The following ETV1 variants were observed in gnomAD, a reference collection of about 807,000 sequenced individuals.
ETV1 encodes the protein ETS variant transcription factor 1.
Under a neutral mutation model 62.3 loss-of-function variants are expected in ETV1, and 27 were observed. The ratio of observed to expected loss-of-function variants is 0.43; its 90% CI spans 0.32 to 0.60. The LOEUF is 0.60. ETV1 is among the 20% of genes least tolerant of loss of function. The probability of loss-of-function intolerance (pLI) is 0.06; values close to 1 mark genes in which losing one functional copy is unlikely to be tolerated. For missense variants in ETV1, 605 were observed against 605.8 expected (o/e 1.00, Z 0.01); for synonymous variants, 222 against 199.6 (o/e 1.11, Z -0.94).
intron 9 of ETV1, among the ~76,000 whole-genome samples, chr7:13,918,729 T>A (rs1222100562): frequency 4.9e-5 from 3 of 60,944 alleles, no homozygotes; most frequent in African/African-American, 1.3e-4. Flanking sequence ...TGTGGTGGGG[T>A]GGGGGGACGG....
chr7:13,905,140 A>C (rs1782828117), intron 12 of ETV1, among the ~76,000 whole-genome samples: 1 of 151,866 alleles, frequency 6.6e-6, no homozygotes. Flanking sequence ...TTCTCGAGTC[A>C]GATAATCTCT....
chr7:13,897,696 A>T (rs1443867498), intron 13 of ETV1, among the ~76,000 whole-genome samples: 1 of 152,206 alleles, frequency 6.6e-6, no homozygotes, highest in Non-Finnish European at 1.5e-5. Context: ...ATACAAAGAA[A>T]ATTAAGATCT....
At chr7:13,964,528 G>T (rs187139442) in intron 6 of ETV1, among the ~76,000 whole-genome samples, 1 of 152,112 alleles carries the variant, frequency 6.6e-6, no homozygotes, top group African/African-American at 2.4e-5. Context: ...GTGAAAAATC[G>T]ACATAATACT....
chr7:13,896,275 G>A (rs190196007), intron 13 of ETV1, among the ~76,000 whole-genome samples, 188 bp from the exon 14 acceptor site: 1 of 151,978 alleles, frequency 6.6e-6, no homozygotes, highest in Non-Finnish European at 1.5e-5. Context: ...ATAAACTACA[G>A]TTCAGTCAAG....
At chr7:13,988,228 A>C (rs1782725113) in intron 3 of ETV1, 55 bp from the exon 4 acceptor site, 7 of 1,077,616 alleles carry the variant, frequency 6.5e-6, no homozygotes, top group Non-Finnish European at 8.4e-6. Context: ...GATCACACAC[A>C]CGCACACGCG....
At chr7:13,911,198 T>G in intron 10 of ETV1, 41 bp downstream of exon 10, 2 of 1,383,786 alleles carry the variant, frequency 1.4e-6, no homozygotes, top group Non-Finnish European at 2.1e-6. Context: ...CTGATTATTC[T>G]GAACGGTATT....
At chr7:13,950,282 C>A (rs1407055232) in intron 6 of ETV1, among the ~76,000 whole-genome samples, 1 of 152,090 alleles carries the variant, frequency 6.6e-6, no homozygotes, top group Non-Finnish European at 1.5e-5. Context: ...GTGCAAGGAT[C>A]TTCCTGGGCA....
rs1023006097 is a variant in ETV1, at chr7:13,957,118, C to T, written c.236-17872G>A. 2.0e-5 allele frequency among the ~76,000 whole-genome samples: 3 copies of T among 151,938 alleles called. No homozygotes were observed. In the East Asian group the frequency reaches 5.8e-4, roughly 29 times the overall value. On this transcript the variant is annotated intron_variant, in intron 6 of 13. Coordinates refer to ENST00000430479, the MANE Select transcript of ETV1 (RefSeq NM_004956.5). ...TTATTTTTTTTGAGAAGGAGTCTCG[C>T]TCTGTCGCCCAGGCTGGAGTGCAGT...
chr7:13,943,366 A>G (rs1217164462), intron 6 of ETV1, among the ~76,000 whole-genome samples: 2 of 152,244 alleles, frequency 1.3e-5, no homozygotes, highest in Non-Finnish European at 2.9e-5. Context: ...GATAGACATT[A>G]TGAAGTTTTG....
chr7:13,959,269 A>T (rs1311609701), intron 6 of ETV1, among the ~76,000 whole-genome samples: 4 of 152,148 alleles, frequency 2.6e-5, no homozygotes, highest in African/African-American at 2.4e-5. Context: ...TACCACGGTT[A>T]CCTGGTTATC....
chr7:13,925,341 A>C (rs1164873376), intron 9 of ETV1, among the ~76,000 whole-genome samples: 1 of 152,202 alleles, frequency 6.6e-6, no homozygotes, highest in Non-Finnish European at 1.5e-5. Context: ...TGTGCAAAGG[A>C]ATAAAACCCT....
At chr7:13,907,763 A>G (rs1236792090) in intron 11 of ETV1, 1 of 462,276 alleles carries the variant, frequency 2.2e-6, no homozygotes, top group East Asian at 7.0e-5. Flanking sequence ...ATTATAAAAT[A>G]GACCAAATTG....
Position 13,988,136 on chromosome 7 carries a change from T to C in ETV1, c.83A>G (p.Asn28Ser), listed in dbSNP as rs777711910. 7 of 1,612,772 alleles carry C rather than the reference T, an allele frequency of 4.3e-6. No individual in the cohort carries two copies. The highest frequency in any genetic ancestry group is 5.9e-6 in the Non-Finnish European group (7 of 1,178,940). Residue 28 changes from asparagine to serine, a missense_variant, in exon 4 of 14, where the codon AAT (asparagine) becomes AGT (serine). Transcript: ENST00000430479. ...GTTAATGAATTTTCTTTTCCTGACA[T>C]TTGTTGGTTTCTCGTTACAATTTCT... ...RGRNCNEKPT[N>S]VRKRKFINRD...
intron 6 of ETV1, among the ~76,000 whole-genome samples, chr7:13,973,026 A>G (rs188177033): frequency 3.3e-5 from 5 of 152,362 alleles, no homozygotes; most frequent in Non-Finnish European, 4.4e-5. Flanking sequence ...TATTTTGTAA[A>G]CAGCAACAAA....
At chr7:13,963,230 A>G (rs1350849318) in intron 6 of ETV1, among the ~76,000 whole-genome samples, 1 of 152,134 alleles carries the variant, frequency 6.6e-6, no homozygotes, top group African/African-American at 2.4e-5. Context: ...TTCATCTTTC[A>G]GTTCACAGCA....
intron 5 of ETV1, among the ~76,000 whole-genome samples, chr7:13,983,485 G>A (rs1390348971): frequency 6.6e-6 from 1 of 151,670 alleles, no homozygotes; most frequent in Admixed American, 6.6e-5. Flanking sequence ...TTATTTCATG[G>A]GATCAAATAA....
At chr7:13,918,193 G>A (rs953876347) in intron 9 of ETV1, among the ~76,000 whole-genome samples, 1 of 151,794 alleles carries the variant, frequency 6.6e-6, no homozygotes, top group African/African-American at 2.4e-5. Flanking sequence ...TTTTCTATTT[G>A]CTTTGCATAT....
chr7:13,988,824 T>A, intron 3 of ETV1, 184 bp downstream of exon 3: 1 of 1,602,254 alleles, frequency 6.2e-7, no homozygotes, highest in Non-Finnish European at 8.5e-7. Flanking sequence ...CTTATCCAAA[T>A]CACTGAAAGG....
chr7:13,897,728 A>G (rs1583549614), intron 13 of ETV1, among the ~76,000 whole-genome samples: 1 of 152,312 alleles, frequency 6.6e-6, no homozygotes, highest in African/African-American at 2.4e-5. Context: ...TGATGAAATG[A>G]CCATAAACAT....
Sources: allele counts gnomAD v4.1 joint callset (sites outside exome capture counted in the v4.1 genomes callset), GRCh38; gene constraint gnomAD v4.1.1; transcripts MANE v1.5; gene names NCBI Gene and HGNC (gene_info 2026-07-23, HGNC 2026-07-21).